The following ZFHX3 variants were observed in gnomAD, a reference collection of about 807,000 sequenced individuals.
The protein encoded by ZFHX3 is zinc finger homeobox protein 3.
In ZFHX3, 42 loss-of-function variants were observed where a neutral mutation model predicts 279.1. That is an observed-to-expected ratio of 0.15 (90% confidence interval 0.12 to 0.19). The LOEUF (loss-of-function observed/expected upper bound fraction) is 0.19, where lower values mean the gene tolerates loss of function less well. Among genes scored for constraint, ZFHX3 ranks in the 10% least tolerant of loss-of-function variants. The pLI is 1.00. For missense variants in ZFHX3, 4,981 were observed against 4,754.0 expected (o/e 1.05, Z -1.40); for synonymous variants, 2,293 against 1,957.8 (o/e 1.17, Z -4.52).
chr16:73,839,273 A>AATGGCATG (rs1961230349), intron 1 of ZFHX3, among the ~76,000 whole-genome samples: 1 of 138,412 alleles, frequency 7.2e-6, no homozygotes, highest in South Asian at 2.5e-4. Flanking sequence ...GAGGCAGGAG[A>AATGGCATG]ATGGCATGAA....
intron 3 of ZFHX3, among the ~76,000 whole-genome samples, chr16:72,927,517 G>A (rs1013179249): frequency 3.3e-5 from 5 of 152,198 alleles, no homozygotes; most frequent in African/African-American, 1.2e-4. Context: ...CTCACAAAAG[G>A]AGGATTTGGG....
At chr16:73,753,693 C>T (rs2053780766) in intron 1 of ZFHX3, among the ~76,000 whole-genome samples, 1 of 152,196 alleles carries the variant, frequency 6.6e-6, no homozygotes, top group South Asian at 2.1e-4. Context: ...AGACAAACCC[C>T]CACTGCCACT....
chr16:73,287,579 T>C (rs1408093931), intron 4 of ZFHX3, among the ~76,000 whole-genome samples: 1 of 143,056 alleles, frequency 7.0e-6, no homozygotes, highest in African/African-American at 2.6e-5. Flanking sequence ...TGTGTGGCTG[T>C]ATGGGTTGGT....
intron 3 of ZFHX3, among the ~76,000 whole-genome samples, chr16:73,452,949 C>A (rs2018301802): frequency 6.6e-6 from 1 of 152,248 alleles, no homozygotes; most frequent in Admixed American, 6.5e-5. Flanking sequence ...CTTTGGTCCA[C>A]TTTGCTGCAA....
intron 1 of ZFHX3, among the ~76,000 whole-genome samples, chr16:73,044,945 C>T (rs1965239112): frequency 6.6e-6 from 1 of 152,184 alleles, no homozygotes; most frequent in Non-Finnish European, 1.5e-5. Flanking sequence ...ATAAAGACAG[C>T]TCACTTTCTT....
intron 1 of ZFHX3, among the ~76,000 whole-genome samples, chr16:73,770,854 T>C (rs2054010151): frequency 6.6e-6 from 1 of 152,208 alleles, no homozygotes; most frequent in Non-Finnish European, 1.5e-5. Flanking sequence ...CACAAAGCCA[T>C]ATAGAGGTCA....
At chr16:73,240,411 G>GT (rs1457574300) in intron 5 of ZFHX3, among the ~76,000 whole-genome samples, 1 of 151,836 alleles carries the variant, frequency 6.6e-6, no homozygotes, top group Non-Finnish European at 1.5e-5. Flanking sequence ...TAGAGACAGG[G>GT]TTTCCCCATG....
intron 1 of ZFHX3, among the ~76,000 whole-genome samples, chr16:73,039,143 A>C (rs372321232): frequency 1.1e-4 from 16 of 150,460 alleles, no homozygotes; most frequent in Admixed American, 1.3e-4. Flanking sequence ...AAGTTTGTAG[A>C]GACAGGGTCT....
intron 2 of ZFHX3, among the ~76,000 whole-genome samples, chr16:73,658,946 A>C (rs1445378144): frequency 1.3e-5 from 2 of 152,174 alleles, no homozygotes; most frequent in Non-Finnish European, 2.9e-5. Flanking sequence ...ATCAGGTGGC[A>C]CTAACTTTCC....
intron 1 of ZFHX3, among the ~76,000 whole-genome samples, chr16:73,057,934 G>A (rs1423117135): frequency 6.7e-6 from 1 of 148,178 alleles, no homozygotes; most frequent in African/African-American, 2.4e-5. Context: ...CGCCCCGCGC[G>A]GCTGCTCAGC....
chr16:72,983,634 G>C (rs1214430615), intron 1 of ZFHX3, among the ~76,000 whole-genome samples: 4 of 152,114 alleles, frequency 2.6e-5, no homozygotes, highest in Admixed American at 6.5e-5. Flanking sequence ...TTGAGCCCAG[G>C]AGTTCGAGGC....
Position 73,140,680 on chromosome 16 carries a change from AC to A in ZFHX3, c.-1024+3071del, listed in dbSNP as rs1248495208. ...AGACCAGCCTGGCCAACATGGCGTA[AC>A]CCTGTCTACTAAAAATACAAAAATT... On this transcript the variant is annotated intron_variant, in intron 6 of 17. Coordinates refer to the ZFHX3 transcript ENST00000641206. 2.0e-5 allele frequency among the ~76,000 whole-genome samples: 3 copies of A among 152,178 alleles called. No homozygotes were observed. In the East Asian group the frequency reaches 5.8e-4, roughly 29 times the overall value.
intron 7 of ZFHX3, among the ~76,000 whole-genome samples, chr16:72,801,635 G>A (rs1042707125): frequency 6.6e-6 from 1 of 152,212 alleles, no homozygotes; most frequent in Non-Finnish European, 1.5e-5. Flanking sequence ...AAGAGCAGGT[G>A]TGTGGCAGGT....
chr16:73,521,432 C>T (rs2019606770), intron 2 of ZFHX3, among the ~76,000 whole-genome samples: 1 of 152,138 alleles, frequency 6.6e-6, no homozygotes, highest in South Asian at 2.1e-4. Context: ...TAACTCTGAA[C>T]CTACCACAAT....
Position 73,853,938 on chromosome 16 carries a change from C to G in ZFHX3, c.-1608+37713G>C, listed in dbSNP as rs75107025. On this transcript the variant is annotated intron_variant, in intron 1 of 17. Transcript: ENST00000641206. Reference sequence around the variant, plus strand: ...GTTCTCCTATTATCACTTGGTCATTCATCTCGATTCTCTACCTCCATCAGG... The same window carrying G: ...GTTCTCCTATTATCACTTGGTCATTGATCTCGATTCTCTACCTCCATCAGG... Among the ~76,000 whole-genome samples, 625 of 152,290 alleles carry G rather than the reference C, an allele frequency of 4.1e-3. 6 individuals are homozygous for G. Among genetic ancestry groups the G allele is most frequent in the African/African-American group, 0.014 (584 of 41,558 alleles).
Position 73,712,892 on chromosome 16 carries a change from C to T in ZFHX3, c.-1607-32652G>A, listed in dbSNP as rs576354411. On this transcript the variant is annotated intron_variant, in intron 1 of 17. Transcript: ENST00000641206. Reference sequence around the variant, plus strand: ...TGCCTCATGCTGGAGAGACTACAGGCCATTTGCGCTAGCTTGAGGTCCTAT... The same window carrying T: ...TGCCTCATGCTGGAGAGACTACAGGTCATTTGCGCTAGCTTGAGGTCCTAT... Among the ~76,000 whole-genome samples the T allele has an allele frequency of 1.2e-4, 18 of 152,294 alleles. No homozygotes were observed. The East Asian group carries it at 3.3e-3, about 28-fold the overall frequency.
At chr16:73,388,629 TC>T (rs976880062) in intron 3 of ZFHX3, among the ~76,000 whole-genome samples, 3 of 151,852 alleles carry the variant, frequency 2.0e-5, no homozygotes, top group African/African-American at 7.3e-5. Flanking sequence ...CTCCCCAACC[TC>T]CCCCTGCTAG....
At chr16:72,966,084 A>T (rs1961822349) in intron 1 of ZFHX3, among the ~76,000 whole-genome samples, 1 of 152,188 alleles carries the variant, frequency 6.6e-6, no homozygotes, top group South Asian at 2.1e-4. Flanking sequence ...CATTATTTTA[A>T]GCGTCAACAC....
chr16:73,382,571 G>A (rs868528184), intron 3 of ZFHX3, among the ~76,000 whole-genome samples: 1 of 152,134 alleles, frequency 6.6e-6, no homozygotes, highest in Non-Finnish European at 1.5e-5. Flanking sequence ...GGGGGGGCAG[G>A]AGGTAATCAG....
Sources: gnomAD v4.1 joint callset for allele counts (sites outside exome capture counted in the v4.1 genomes callset) on GRCh38, gnomAD v4.1.1 for gene constraint, MANE v1.5 for transcripts, NCBI Gene and HGNC (gene_info 2026-07-23, HGNC 2026-07-21) for gene names.